The following HVCN1 variants were observed in gnomAD, a reference collection of about 807,000 sequenced individuals.
HVCN1 encodes hydrogen voltage gated channel 1.
Under a neutral mutation model 29.2 loss-of-function variants are expected in HVCN1, and 14 were observed. The observed-to-expected ratio is 0.48, with a 90% CI of 0.32 to 0.75. The LOEUF (loss-of-function observed/expected upper bound fraction) is 0.75, where lower values mean the gene tolerates loss of function less well. Ranked by LOEUF, HVCN1 falls within the 30% of genes least tolerant of loss-of-function variation. The pLI is 0.04. For missense variants in HVCN1, 263 were observed against 341.8 expected, an observed-to-expected ratio of 0.77 and a Z score of 1.82; for synonymous variants, 131 against 133.2, an observed-to-expected ratio of 0.98 and a Z score of 0.11.
chr12:110,697,556 C>T (rs2136509586), intron 2 of HVCN1, among the ~76,000 whole-genome samples: 1 of 152,000 alleles, frequency 6.6e-6, no homozygotes, highest in Middle Eastern at 3.4e-3. Flanking sequence ...GAGGGGCCCA[C>T]ACTGGAGTCC....
At chr12:110,654,722 C>T (rs1342727481) in intron 5 of HVCN1, among the ~76,000 whole-genome samples, 2 of 152,074 alleles carry the variant, frequency 1.3e-5, no homozygotes, top group Non-Finnish European at 2.9e-5. Context: ...TCAGGTGATC[C>T]ACCCGCCTTG....
At chr12:110,694,185 C>T (rs1352612060), upstream of HVCN1, among the ~76,000 whole-genome samples, 1 of 152,224 alleles carries the variant, frequency 6.6e-6, no homozygotes, top group Non-Finnish European at 1.5e-5. The surrounding 1 kb of genome is among the most constrained non-coding windows in gnomAD (Gnocchi z 4.6). Flanking sequence ...ATCTTAGCCT[C>T]CTGGGTACCT....
intron 2 of HVCN1, among the ~76,000 whole-genome samples, chr12:110,696,659 G>A (rs569205306): frequency 1.3e-5 from 2 of 152,224 alleles, no homozygotes; most frequent in Admixed American, 6.5e-5. Context: ...GGATTTGCCT[G>A]CTTTAAATGG....
intron 3 of HVCN1, among the ~76,000 whole-genome samples, chr12:110,677,171 C>G (rs1334512063): frequency 6.6e-6 from 1 of 151,914 alleles, no homozygotes; most frequent in Non-Finnish European, 1.5e-5. Context: ...TGTCACTGCA[C>G]TCCAGCCTGG....
chr12:110,683,634 G>T (rs2069068214), intron 2 of HVCN1, among the ~76,000 whole-genome samples: 1 of 152,208 alleles, frequency 6.6e-6, no homozygotes, highest in Non-Finnish European at 1.5e-5. Context: ...AGGGGGCCAG[G>T]TGTGGTGGCT....
chr12:110,664,084 T>C (rs2068267185), intron 3 of HVCN1, among the ~76,000 whole-genome samples: 1 of 152,168 alleles, frequency 6.6e-6, no homozygotes, highest in Non-Finnish European at 1.5e-5. Context: ...GTCTGGCTAA[T>C]TAAAACAATT....
At chr12:110,694,142 G>A (rs1008315116), upstream of HVCN1, among the ~76,000 whole-genome samples, 5 of 152,062 alleles carry the variant, frequency 3.3e-5, no homozygotes, top group African/African-American at 2.4e-5. This position sits in a 1 kb window ranked among gnomAD's most constrained non-coding sequence, Gnocchi z 4.6. Context: ...TACCCACTTC[G>A]GCCTTGACCA....
intron 4 of HVCN1, among the ~76,000 whole-genome samples, 180 bp from the exon 5 acceptor site, chr12:110,655,518 G>A (rs1244652437): frequency 6.6e-6 from 1 of 152,216 alleles, no homozygotes; most frequent in Non-Finnish European, 1.5e-5. Context: ...TGCAGGGCCA[G>A]CTCCTCTCTG....
At chr12:110,691,571 G>A (rs141266957), upstream of HVCN1, among the ~76,000 whole-genome samples, 336 of 152,292 alleles carry the variant, frequency 2.2e-3, 2 homozygotes, top group African/African-American at 7.6e-3. Context: ...CCCCTCCTCT[G>A]TGTTCACTCC....
At chr12:110,655,109 T>C (rs2067945496) in intron 5 of HVCN1, 125 bp downstream of exon 5, 1 of 642,140 alleles carries the variant, frequency 1.6e-6, no homozygotes, top group South Asian at 1.9e-5. Context: ...CGAAAACACC[T>C]ATCAAACTAC....
intron 2 of HVCN1, among the ~76,000 whole-genome samples, chr12:110,695,196 G>A (rs2069470678): frequency 6.6e-6 from 1 of 152,096 alleles, no homozygotes; most frequent in Non-Finnish European, 1.5e-5. Context: ...ATCACTTGAG[G>A]CCAGGAGTTC....
In HVCN1 at chr12:110,658,564, C is replaced by T. The variant is rs972403865; in HGVS notation, c.306+2600G>A. On this transcript the variant is annotated intron_variant, in intron 4 of 7. Coordinates refer to ENST00000242607, the MANE Select transcript of HVCN1 (RefSeq NM_032369.4). The surrounding 1 kb of genome is among the most constrained non-coding windows in gnomAD (Gnocchi z 5.0). ...AGCCCCTCTACCTGGAAGCCTCCCA[C>T]GCCATCCACCCATCGGGCTCACTCC... is the stretch of plus-strand genomic sequence containing the variant. Among the ~76,000 whole-genome samples, 10 of 152,174 alleles carry T rather than the reference C, an allele frequency of 6.6e-5. No individual in the cohort carries two copies. The highest frequency in any genetic ancestry group is 1.2e-4 in the Non-Finnish European group (8 of 68,016).
chr12:110,653,217 T>C (rs1012548108), intron 5 of HVCN1, among the ~76,000 whole-genome samples: 1 of 152,098 alleles, frequency 6.6e-6, no homozygotes, highest in Non-Finnish European at 1.5e-5. Flanking sequence ...CCCAGCACTT[T>C]GGGAGGCCAA....
chr12:110,679,393 G>T (rs1375762121), intron 3 of HVCN1, among the ~76,000 whole-genome samples: 1 of 152,252 alleles, frequency 6.6e-6, no homozygotes, highest in Non-Finnish European at 1.5e-5. Flanking sequence ...AAGGAACAAG[G>T]TCAGCTGAGG....
exon 2 of HVCN1, chr12:110,702,347 G>A (rs1422100099): frequency 2.6e-5 from 4 of 152,146 alleles, no homozygotes; most frequent in Admixed American, 2.6e-4. Flanking sequence ...TGTGACACAG[G>A]GTCAGGAAGT....
chr12:110,670,001 G>T (rs1161448972), intron 3 of HVCN1, among the ~76,000 whole-genome samples: 4 of 152,160 alleles, frequency 2.6e-5, no homozygotes, highest in Non-Finnish European at 4.4e-5. Context: ...TCCAGCCTGG[G>T]TGACAGAGCG....
intron 2 of HVCN1, among the ~76,000 whole-genome samples, chr12:110,698,015 C>G (rs189038599): frequency 6.6e-6 from 1 of 152,180 alleles, no homozygotes; most frequent in Non-Finnish European, 1.5e-5. Context: ...CAAGGCCACA[C>G]AGCTGGTAAG....
At chr12:110,655,108 C>T in intron 5 of HVCN1, 126 bp downstream of exon 5, 2 of 635,904 alleles carry the variant, frequency 3.1e-6, no homozygotes, top group South Asian at 1.9e-5. Context: ...ACGAAAACAC[C>T]TATCAAACTA....
intron 1 of HVCN1, among the ~76,000 whole-genome samples, chr12:110,704,124 G>A (rs2069586169): frequency 6.6e-6 from 1 of 152,092 alleles, no homozygotes; most frequent in South Asian, 2.1e-4. Context: ...CTAAGTATGG[G>A]CCAGGATATT....
Sources: gnomAD v4.1 joint callset for allele counts (sites outside exome capture counted in the v4.1 genomes callset) on GRCh38, gnomAD v4.1.1 for gene constraint, Gnocchi (gnomAD v3.1) non-coding constraint, MANE v1.5 for transcripts, NCBI Gene and HGNC (gene_info 2026-07-23, HGNC 2026-07-21) for gene names.